ARID1B: variants seen among roughly 807,000 people sequenced by gnomAD.
ARID1B encodes the protein AT-rich interactive domain-containing protein 1B.
Under a neutral mutation model 212.3 loss-of-function variants are expected in ARID1B, and 30 were observed. The ratio of observed to expected loss-of-function variants is 0.14; its 90% CI spans 0.11 to 0.19. The LOEUF is 0.19. ARID1B is among the 10% of genes least tolerant of loss of function. The probability of loss-of-function intolerance (pLI) is 1.00; values close to 1 mark genes in which losing one functional copy is unlikely to be tolerated. For missense variants in ARID1B, 2,891 were observed against 3,204.0 expected, an observed-to-expected ratio of 0.90 and a Z score of 2.36; for synonymous variants, 1,402 against 1,301.7, an observed-to-expected ratio of 1.08 and a Z score of -1.66.
chr6:156,897,059 G>A (rs571098695), intron 2 of ARID1B, among the ~76,000 whole-genome samples: 13 of 151,980 alleles, frequency 8.6e-5, no homozygotes, highest in African/African-American at 3.1e-4. Context: ...TTCTTTATTG[G>A]GATAATTTTC....
At chr6:157,062,645 T>G (rs1783412355) in intron 4 of ARID1B, among the ~76,000 whole-genome samples, 1 of 151,788 alleles carries the variant, frequency 6.6e-6, no homozygotes, top group Non-Finnish European at 1.5e-5. Context: ...CCTCCTGTGA[T>G]GTTTGTTGTT....
intron 4 of ARID1B, among the ~76,000 whole-genome samples, chr6:156,944,199 A>T (rs1025432022): frequency 6.6e-6 from 1 of 152,208 alleles, no homozygotes; most frequent in Non-Finnish European, 1.5e-5. Flanking sequence ...AAGTCAGTGG[A>T]GTGAGTAAAG....
At chr6:156,797,440 G>A (rs1780462695) in intron 1 of ARID1B, among the ~76,000 whole-genome samples, 1 of 152,230 alleles carries the variant, frequency 6.6e-6, no homozygotes. Context: ...TGCCCGGCCT[G>A]AGCCTCTTGT....
At chr6:156,783,420 A>T (rs1297066924) in intron 1 of ARID1B, among the ~76,000 whole-genome samples, 1 of 152,118 alleles carries the variant, frequency 6.6e-6, no homozygotes, top group Non-Finnish European at 1.5e-5. Flanking sequence ...AGCTCATTTG[A>T]TCGTTTTATT....
At chr6:157,149,185 C>T (rs1333091284) in intron 8 of ARID1B, 7 of 536,012 alleles carry the variant, frequency 1.3e-5, no homozygotes, top group Admixed American at 3.1e-5. Context: ...GCACATCAGT[C>T]GTGGGAGGTG....
intron 7 of ARID1B, among the ~76,000 whole-genome samples, chr6:157,145,031 C>T (rs1789625419): frequency 6.6e-6 from 1 of 152,170 alleles, no homozygotes; most frequent in Admixed American, 6.5e-5. Context: ...GGTGTCTGCG[C>T]TGTGCCTCTC....
chr6:157,117,744 T>A lies in ARID1B; in HGVS notation c.2581+7183T>A, dbSNP rs564269293. 2.2e-3 allele frequency among the ~76,000 whole-genome samples: 330 copies of A among 152,350 alleles called. 1 individual carries two copies. Among genetic ancestry groups the A allele is most frequent in the African/African-American group, 7.6e-3 (316 of 41,566 alleles). On this transcript the variant is annotated intron_variant, in intron 6 of 19. Coordinates refer to ENST00000636930, the MANE Select transcript of ARID1B (RefSeq NM_001374828.1). Reference sequence around the variant, plus strand: ...TTTATTGTTTGGAATTAAGAAAGCTTACAATTTTACCAATAAATACTGTAT... The same window carrying A: ...TTTATTGTTTGGAATTAAGAAAGCTAACAATTTTACCAATAAATACTGTAT...
chr6:156,796,123 C>T (rs1393338500), intron 1 of ARID1B, among the ~76,000 whole-genome samples: 1 of 152,156 alleles, frequency 6.6e-6, no homozygotes, highest in African/African-American at 2.4e-5. Flanking sequence ...GTGGCATACC[C>T]CTGTAATTCT....
intron 5 of ARID1B, among the ~76,000 whole-genome samples, chr6:157,088,438 T>C (rs1785085014): frequency 6.6e-6 from 1 of 152,228 alleles, no homozygotes; most frequent in African/African-American, 2.4e-5. Context: ...CATGACAGGT[T>C]TTTGTTGGGG....
chr6:157,020,138 A>G (rs779454919), intron 4 of ARID1B, among the ~76,000 whole-genome samples: 5 of 152,248 alleles, frequency 3.3e-5, no homozygotes, highest in African/African-American at 1.2e-4. Flanking sequence ...AGACATAACA[A>G]GCAAATTTGC....
chr6:157,093,035 T>A (rs1303705925), intron 5 of ARID1B, among the ~76,000 whole-genome samples: 1 of 152,248 alleles, frequency 6.6e-6, no homozygotes, highest in African/African-American at 2.4e-5. Flanking sequence ...ATTCTGCGTG[T>A]GCTGCCTCTG....
intron 6 of ARID1B, among the ~76,000 whole-genome samples, chr6:157,128,938 C>G (rs1282299952): frequency 6.6e-6 from 1 of 152,172 alleles, no homozygotes; most frequent in Non-Finnish European, 1.5e-5. Flanking sequence ...CATAATACAC[C>G]CTTTTTAACC....
chr6:156,813,668 A>T (rs368628264), intron 1 of ARID1B, among the ~76,000 whole-genome samples: 21 of 152,282 alleles, frequency 1.4e-4, no homozygotes, highest in African/African-American at 4.3e-4. Context: ...GGTTAAACTG[A>T]TATGCATTTG....
intron 4 of ARID1B, chr6:156,935,903 C>T: frequency 4.0e-6 from 1 of 248,814 alleles, no homozygotes; most frequent in South Asian, 6.2e-5. Context: ...CGATACAGAA[C>T]AGAGGTGTCC....
intron 2 of ARID1B, among the ~76,000 whole-genome samples, chr6:156,884,500 G>A (rs1445051002): frequency 2.0e-5 from 3 of 152,188 alleles, no homozygotes; most frequent in African/African-American, 7.2e-5. Context: ...AGCTCCAGCA[G>A]ATAAGGGTAA....
chr6:157,001,024 A>G (rs1421419342), intron 4 of ARID1B, among the ~76,000 whole-genome samples: 1 of 152,164 alleles, frequency 6.6e-6, no homozygotes, highest in Non-Finnish European at 1.5e-5. Context: ...AAGCATGCCC[A>G]GGTTAGAAAT....
At chr6:156,875,517 T>G (rs1786477609) in intron 2 of ARID1B, among the ~76,000 whole-genome samples, 1 of 152,226 alleles carries the variant, frequency 6.6e-6, no homozygotes, top group Non-Finnish European at 1.5e-5. Flanking sequence ...TGGATTAATG[T>G]TTTTGATTAT....
At chr6:156,965,705 T>C (rs1412350088) in intron 4 of ARID1B, among the ~76,000 whole-genome samples, 1 of 152,218 alleles carries the variant, frequency 6.6e-6, no homozygotes, top group Admixed American at 6.5e-5. Flanking sequence ...TGGAACCTAA[T>C]GGAGAATTGT....
intron 2 of ARID1B, among the ~76,000 whole-genome samples, chr6:156,876,466 G>A (rs1214112386): frequency 6.6e-6 from 1 of 152,204 alleles, no homozygotes; most frequent in Non-Finnish European, 1.5e-5. Flanking sequence ...GCTGATGCCG[G>A]CTGGGCATGT....
Sources: gnomAD v4.1 joint callset for allele counts (sites outside exome capture counted in the v4.1 genomes callset) on GRCh38, gnomAD v4.1.1 for gene constraint, MANE v1.5 for transcripts, NCBI Gene and HGNC (gene_info 2026-07-23, HGNC 2026-07-21) for gene names.